LPP: variants seen among roughly 807,000 people sequenced by gnomAD.
LPP encodes lipoma-preferred partner.
A neutral mutation model predicts 60.4 loss-of-function variants in LPP; 38 were observed. That is an observed-to-expected ratio of 0.63 (90% CI 0.49 to 0.83). The LOEUF (loss-of-function observed/expected upper bound fraction) is 0.83, where lower values mean the gene tolerates loss of function less well. Ranked by LOEUF, LPP falls within the 40% of genes least tolerant of loss-of-function variation. The probability of loss-of-function intolerance (pLI) is 0.00; values close to 1 mark genes in which losing one functional copy is unlikely to be tolerated. For synonymous variants in LPP, 328 were observed against 290.8 expected, an observed-to-expected ratio of 1.13 and a Z score of -1.30; for missense variants, 902 against 783.6, an observed-to-expected ratio of 1.15 and a Z score of -1.80.
chr3:188,782,352 A>G (rs956690414), intron 9 of LPP, among the ~76,000 whole-genome samples: 4 of 152,264 alleles, frequency 2.6e-5, no homozygotes, highest in African/African-American at 9.6e-5. Context: ...AATTGGAGAG[A>G]TATCAATTTG....
intron 3 of LPP, among the ~76,000 whole-genome samples, chr3:188,402,598 G>T (rs6782701): frequency 0.012 from 1,877 of 152,322 alleles, 35 homozygotes; most frequent in African/African-American, 0.041. Flanking sequence ...AGAGATGATT[G>T]TATCAGTGAA....
intron 7 of LPP, among the ~76,000 whole-genome samples, chr3:188,683,883 G>A (rs62290012): frequency 0.057 from 8,607 of 152,246 alleles, 318 homozygotes; most frequent in Non-Finnish European, 0.085. Context: ...CAATTTACAC[G>A]TAGGCACAAA....
At chr3:188,850,841 G>A (rs1425723466) in intron 9 of LPP, among the ~76,000 whole-genome samples, 1 of 152,100 alleles carries the variant, frequency 6.6e-6, no homozygotes, top group Non-Finnish European at 1.5e-5. Flanking sequence ...CTAGACCTTG[G>A]GCAGACAAAG....
intron 1 of LPP, among the ~76,000 whole-genome samples, chr3:188,190,923 T>C (rs578150857): frequency 6.6e-6 from 1 of 152,362 alleles, no homozygotes; most frequent in South Asian, 2.1e-4. Flanking sequence ...AAGTTTGATG[T>C]GCCACCATTT....
At chr3:188,513,119 T>A (rs1267098257) in intron 5 of LPP, among the ~76,000 whole-genome samples, 1 of 152,244 alleles carries the variant, frequency 6.6e-6, no homozygotes, top group Non-Finnish European at 1.5e-5. Flanking sequence ...TGGAAAAATA[T>A]CCATGATCCT....
At chr3:188,383,844 C>T (rs771936238) in intron 3 of LPP, among the ~76,000 whole-genome samples, 2 of 152,080 alleles carry the variant, frequency 1.3e-5, no homozygotes, top group Admixed American at 6.5e-5. Context: ...TAGATTTATA[C>T]TTAAGACAGA....
In LPP at chr3:188,609,283, T is replaced by TA. The variant is rs759801915; in HGVS notation, c.552_553insA (p.Ala185SerfsTer38). ...AGAAGTCTACATTGAAACCACAGCCTGCACCCCAGGCTGGACCCATCCCTG... is the reference window on the plus strand; with the variant it reads ...AGAAGTCTACATTGAAACCACAGCCTAGCACCCCAGGCTGGACCCATCCCTG... On this transcript the variant is annotated frameshift_variant, in exon 7 of 12. Transcript: ENST00000617246. LOFTEE classifies it high-confidence loss of function. The surrounding 1 kb of genome is among the most constrained non-coding windows in gnomAD (Gnocchi z 6.9). 4 of 1,614,084 alleles carry TA rather than the reference T, an allele frequency of 2.5e-6. No individual in the cohort carries two copies. The highest frequency in any genetic ancestry group is 3.4e-6 in the Non-Finnish European group (4 of 1,180,012).
intron 2 of LPP, among the ~76,000 whole-genome samples, chr3:188,252,031 GATATATATATATATATATATAT>G (rs10579787): frequency 0.094 from 3,893 of 41,492 alleles, 182 homozygotes; most frequent in South Asian, 0.14. Context: ...TTTTAATCCT[GATATATATATATATATATATAT>G]ATATATATAT....
intron 7 of LPP, among the ~76,000 whole-genome samples, chr3:188,660,623 G>A (rs1854351546): frequency 6.8e-6 from 1 of 147,740 alleles, no homozygotes. Context: ...CATCTCTAGT[G>A]TGAAATGGTT....
rs550616142 is a variant in LPP, at chr3:188,182,516, G to T, written c.-190+28264G>T. Among the ~76,000 whole-genome samples, 7 of 152,218 alleles carry T rather than the reference G, an allele frequency of 4.6e-5. No individual in the cohort carries two copies. The East Asian group carries it at 1.4e-3, about 29-fold the overall frequency. ...CCATCTGGCCTAGTGAGACCTATGTGGCTGCCATTGTTTTTGGCTGGGAGT... is the reference window on the plus strand; with the variant it reads ...CCATCTGGCCTAGTGAGACCTATGTTGCTGCCATTGTTTTTGGCTGGGAGT... On this transcript the variant is annotated intron_variant, in intron 1 of 11. Transcript: ENST00000617246. This position sits in a 1 kb window ranked among gnomAD's most constrained non-coding sequence, Gnocchi z 4.4.
intron 4 of LPP, among the ~76,000 whole-genome samples, chr3:188,427,475 A>T (rs1789707920): frequency 6.6e-6 from 1 of 152,108 alleles, no homozygotes; most frequent in African/African-American, 2.4e-5. Context: ...ACCTTGGTGA[A>T]TCTGACAATT....
At chr3:188,654,203 ATATT>A (rs1372658585) in intron 7 of LPP, among the ~76,000 whole-genome samples, 1 of 152,216 alleles carries the variant, frequency 6.6e-6, no homozygotes, top group African/African-American at 2.4e-5. Flanking sequence ...AAAACAAAAT[ATATT>A]TAAGTGCCAT....
chr3:188,597,681 G>A (rs1203341066), intron 6 of LPP, among the ~76,000 whole-genome samples: 3 of 152,068 alleles, frequency 2.0e-5, no homozygotes, highest in African/African-American at 7.2e-5. Flanking sequence ...AAAACTGATG[G>A]GGGATGGGAA....
chr3:188,700,029 A>G (rs1364754030), intron 7 of LPP, among the ~76,000 whole-genome samples: 1 of 152,242 alleles, frequency 6.6e-6, no homozygotes, highest in East Asian at 1.9e-4. Context: ...TTTTGAAAAG[A>G]AGATAATTTC....
At chr3:188,283,679 G>A (rs751029850) in intron 2 of LPP, among the ~76,000 whole-genome samples, 6 of 152,162 alleles carry the variant, frequency 3.9e-5, no homozygotes, top group Non-Finnish European at 7.3e-5. Flanking sequence ...GGGTTCCAGT[G>A]CTAAGTCTGC....
intron 2 of LPP, among the ~76,000 whole-genome samples, chr3:188,302,664 A>C (rs568966715): frequency 5.1e-4 from 78 of 152,354 alleles, no homozygotes; most frequent in Admixed American, 5.1e-3. Context: ...GCACCTTATG[A>C]AGCAAACAAA....
intron 6 of LPP, among the ~76,000 whole-genome samples, chr3:188,571,587 T>C (rs746131345): frequency 1.3e-5 from 2 of 152,092 alleles, no homozygotes; most frequent in African/African-American, 2.4e-5. Flanking sequence ...TTAGAGTTTG[T>C]AAGTCTTATG....
intron 4 of LPP, among the ~76,000 whole-genome samples, chr3:188,461,035 A>T (rs912947191): frequency 6.6e-6 from 1 of 152,222 alleles, no homozygotes; most frequent in Non-Finnish European, 1.5e-5. Flanking sequence ...CCAGAGGAAG[A>T]CTTAGAGGAC....
chr3:188,655,893 T>TA (rs2149035797), intron 7 of LPP, among the ~76,000 whole-genome samples: 1 of 152,010 alleles, frequency 6.6e-6, no homozygotes, highest in South Asian at 2.1e-4. Context: ...AATCTCACAT[T>TA]AAAAAAACAC....
Sources: gnomAD v4.1 joint callset for allele counts (sites outside exome capture counted in the v4.1 genomes callset) on GRCh38, gnomAD v4.1.1 for gene constraint, Gnocchi (gnomAD v3.1) non-coding constraint, MANE v1.5 for transcripts, NCBI Gene and HGNC (gene_info 2026-07-23, HGNC 2026-07-21) for gene names.